The following TRIP11 variants were observed in gnomAD, a reference collection of about 807,000 sequenced individuals.
TRIP11 encodes thyroid hormone receptor interactor 11.
A neutral mutation model predicts 223.1 loss-of-function variants in TRIP11; 148 were observed. The observed-to-expected ratio is 0.66, with a 90% CI of 0.58 to 0.76. The LOEUF is 0.76. TRIP11 is among the 30% of genes least tolerant of loss of function. TRIP11 has a pLI of 0.00. For synonymous variants in TRIP11, 762 were observed against 772.6 expected (o/e 0.99, Z 0.23); for missense variants, 2,043 against 2,222.0 (o/e 0.92, Z 1.62).
intron 9 of TRIP11, among the ~76,000 whole-genome samples, chr14:92,010,290 G>T (rs1214375658): frequency 6.6e-6 from 1 of 151,992 alleles, no homozygotes; most frequent in Non-Finnish European, 1.5e-5. Context: ...CAACACTTTG[G>T]GAGGCCGAGG....
chr14:91,990,766 C>T (rs2056661621), intron 15 of TRIP11, among the ~76,000 whole-genome samples: 1 of 152,144 alleles, frequency 6.6e-6, no homozygotes, highest in Non-Finnish European at 1.5e-5. Context: ...TGTTTGAGCC[C>T]AGGAGTTTGA....
Position 91,975,191 on chromosome 14 carries a change from C to T in TRIP11, c.5438G>A (p.Arg1813Lys). Residue 1813 changes from arginine to lysine, a missense_variant, in exon 18 of 21, where the codon AGA (arginine) becomes AAA (lysine). By Grantham distance (26) the Arg-to-Lys change is conservative. Coordinates refer to ENST00000267622, the MANE Select transcript of TRIP11 (RefSeq NM_004239.4). ...AGTCACCTGCTCCATCTCCTCCCTT[C>T]TGACGCCCAGGATGCTCCCCATTAA... is the stretch of plus-strand genomic sequence containing the variant. The part of the protein sequence containing the change: ...LRLMGSILGV[R>K]REEMEQLFHD... 6.2e-7 allele frequency: 1 copy of T among 1,613,710 alleles called. No individual in the cohort carries two copies. Among genetic ancestry groups the T allele is most frequent in the South Asian group, 1.1e-5 (1 of 91,076 alleles).
chr14:92,022,929 T>C (rs1041047814), intron 3 of TRIP11, among the ~76,000 whole-genome samples: 1 of 152,178 alleles, frequency 6.6e-6, no homozygotes, highest in African/African-American at 2.4e-5. Context: ...TTGGAGAATA[T>C]GAACATCACA....
chr14:92,039,666 C>G lies in TRIP11; in HGVS notation c.20G>C (p.Gly7Ala). 1 of 1,612,472 alleles carries G rather than the reference C, an allele frequency of 6.2e-7. No individual in the cohort carries two copies. Among genetic ancestry groups the G allele is most frequent in the Non-Finnish European group, 8.5e-7 (1 of 1,179,360 alleles). MSSWLGGLGSGLGQSLG... is the reference protein window; with the variant it reads MSSWLGALGSGLGQSLG... ...AGACTGGCCCAATCCGGAGCCGAGG[C>G]CCCCAAGCCAGGACGACATCGCGGC... Residue 7 changes from glycine to alanine, a missense_variant, in exon 1 of 21, where the codon GGC (glycine) becomes GCC (alanine). By Grantham distance (60) the Gly-to-Ala change is moderately conservative (BLOSUM62 0). Transcript: ENST00000267622.
chr14:92,033,058 A>G, intron 2 of TRIP11, 134 bp downstream of exon 2: 1 of 694,158 alleles, frequency 1.4e-6, no homozygotes, highest in Non-Finnish European at 2.5e-6. Context: ...AAAGCTCAAA[A>G]AACAATCAAA....
chr14:92,021,608 T>C lies in TRIP11; in HGVS notation c.536A>G (p.Asn179Ser). The change falls in exon 4 of 21, where the codon AAT (asparagine) becomes AGT (serine). Residue 179 changes from asparagine (N) to serine (S), a missense_variant. Asn to Ser is a conservative substitution (Grantham distance 46, BLOSUM62 1). Coordinates refer to ENST00000267622, the MANE Select transcript of TRIP11 (RefSeq NM_004239.4). The part of the protein sequence containing the change: ...SSQQEINRLS[N>S]EVSRLESEVG... ...TTCAGACTCAAGTCTTGAAACTTCA[T>C]TTGAGAGTCGGTTTATTTCTTGTTG... is the stretch of plus-strand genomic sequence containing the variant. The C allele has an allele frequency of 6.2e-7, 1 of 1,614,186 alleles. No individual in the cohort carries two copies. The highest frequency in any genetic ancestry group is 8.5e-7 in the Non-Finnish European group (1 of 1,180,038).
At chr14:91,983,701 ACTT>A in intron 16 of TRIP11, among the ~76,000 whole-genome samples, 1 of 152,308 alleles carries the variant, frequency 6.6e-6, no homozygotes, top group East Asian at 1.9e-4. Flanking sequence ...TGCATCTGGT[ACTT>A]CTTATATGTT....
chr14:91,971,505 G>C (rs1002809404), intron 20 of TRIP11, among the ~76,000 whole-genome samples: 8 of 150,774 alleles, frequency 5.3e-5, no homozygotes, highest in African/African-American at 1.2e-4. Flanking sequence ...TACAAGAAAG[G>C]GGAAAGGTAG....
Position 92,004,640 on chromosome 14 carries a change from A to C in TRIP11, c.3336T>G (p.Asn1112Lys). 1 of 1,614,072 alleles carries C rather than the reference A, an allele frequency of 6.2e-7. No homozygotes were observed. The highest frequency in any genetic ancestry group is 1.1e-5 in the South Asian group (1 of 91,082). ...FAVLNEKTRE[N>K]SHLKTEYHKM... Reference sequence around the variant, plus strand: ...TGTGATATTCTGTTTTTAGATGGCTATTTTCCCTAGTCTTCTCATTCAAAA... The same window carrying C: ...TGTGATATTCTGTTTTTAGATGGCTCTTTTCCCTAGTCTTCTCATTCAAAA... The change falls in exon 11 of 21, where the codon AAT becomes AAG. Residue 1112 changes from asparagine to lysine, a missense_variant. Physicochemically the swap from Asn to Lys is moderately conservative, Grantham distance 94. Coordinates refer to ENST00000267622, the MANE Select transcript of TRIP11 (RefSeq NM_004239.4).
chr14:91,972,883 A>C (rs538137695), intron 19 of TRIP11, 22 bp from the exon 20 acceptor site: 2 of 1,585,890 alleles, frequency 1.3e-6, no homozygotes, highest in Non-Finnish European at 1.7e-6. Flanking sequence ...TATTTTGGTT[A>C]TATTAGGCTA....
At chr14:91,999,914 A>AAT in intron 12 of TRIP11, 54 bp downstream of exon 12, 2 of 1,604,146 alleles carry the variant, frequency 1.2e-6, no homozygotes, top group African/African-American at 1.3e-5. Flanking sequence ...CAGTTCTCTT[A>AAT]ATAGTTATTA....
Position 91,969,508 on chromosome 14 carries a change from C to A in TRIP11, c.*165G>T. 2 of 729,874 alleles carry A rather than the reference C, an allele frequency of 2.7e-6. No homozygotes were observed. The highest frequency in any genetic ancestry group is 1.6e-5 in the South Asian group (1 of 61,622). The allele number at this position is 729,874 out of a possible 1,614,324, so 45.2% of individuals were successfully genotyped here. ...TATAGCAAACACTTGCTCCTGACAC[C>A]TGCAGTTTCTAAAAGCATTAGGAAT... On this transcript the variant is annotated 3_prime_UTR_variant, in exon 21 of 21. Coordinates refer to ENST00000267622, the MANE Select transcript of TRIP11 (RefSeq NM_004239.4).
At position 92,020,759 on chromosome 14, in the gene TRIP11, C is replaced by T. The variant is rs1279696742; in HGVS notation, c.588+797G>A. Among the ~76,000 whole-genome samples the T allele has an allele frequency of 2.6e-5, 4 of 151,692 alleles. No homozygotes were observed. In the East Asian group the frequency reaches 7.7e-4, roughly 29 times the overall value. The stretch of plus-strand genomic sequence containing the variant: ...AGACTAGGAGAGAAAGATGACAGGA[C>T]CAAAATCACTTAGAAAGTCATTGGC... On this transcript the variant is annotated intron_variant, in intron 4 of 20. Coordinates refer to ENST00000267622, the MANE Select transcript of TRIP11 (RefSeq NM_004239.4).
At position 91,995,718 on chromosome 14, in the gene TRIP11, C is replaced by T. The variant is rs10134947; in HGVS notation, c.4893-203G>A. On this transcript the variant is annotated intron_variant, in intron 13 of 20. Coordinates refer to ENST00000267622, the MANE Select transcript of TRIP11 (RefSeq NM_004239.4). ...GCAACCTCCACCTCCTAGGTTCCAG[C>T]GATTCTCCTGCCTCAGCCTCCTGAG... 0.3 allele frequency among the ~76,000 whole-genome samples: 44,974 copies of T among 151,454 alleles called. 6,857 individuals are homozygous for T. Among genetic ancestry groups the T allele is most frequent in the Middle Eastern group, 0.35 (102 of 292 alleles).
intron 2 of TRIP11, among the ~76,000 whole-genome samples, chr14:92,032,151 C>CT (rs1266867675): frequency 2.4e-4 from 37 of 151,988 alleles, no homozygotes; most frequent in African/African-American, 8.4e-4. Context: ...TTCCTGTATC[C>CT]TTTTTTTCTT....
At chr14:92,033,978 T>C (rs1000502914) in intron 1 of TRIP11, among the ~76,000 whole-genome samples, 4 of 152,188 alleles carry the variant, frequency 2.6e-5, no homozygotes, top group Non-Finnish European at 4.4e-5. Flanking sequence ...GGGCCCACTG[T>C]ATGAGAGTGA....
At position 92,006,429 on chromosome 14, in the gene TRIP11, T is replaced by C. The variant is rs1018806781; in HGVS notation, c.1547A>G (p.Asp516Gly). 2.5e-6 allele frequency: 4 copies of C among 1,612,710 alleles called. No homozygotes were observed. The Admixed American group carries it at 5.0e-5, about 20-fold the overall frequency. ...TTCATTTTGTTGTTTTGATAGCTGATCTTTTATCAAAATCATGTGCTGAAA... is the reference window on the plus strand; with the variant it reads ...TTCATTTTGTTGTTTTGATAGCTGACCTTTTATCAAAATCATGTGCTGAAA... ...EATKHMILIK[D>G]QLSKQQNEGD... is the part of the protein sequence containing the mutation. Residue 516 changes from aspartate to glycine, a missense_variant, in exon 11 of 21, where the codon GAT (aspartate) becomes GGT (glycine). Physicochemically the swap from Asp to Gly is moderately conservative, Grantham distance 94 (BLOSUM62 -1). Coordinates refer to ENST00000267622, the MANE Select transcript of TRIP11 (RefSeq NM_004239.4).
Position 91,972,771 on chromosome 14 carries a change from G to C in TRIP11, c.5665C>G (p.Leu1889Val). 1 of 1,613,016 alleles carries C rather than the reference G, an allele frequency of 6.2e-7. No individual in the cohort carries two copies. Reference sequence around the variant, plus strand: ...CTTTTTCTTCTTCCTGGTGAATCCAGAGGTTTCATATCATGAACAGAAAGC... The same window carrying C: ...CTTTTTCTTCTTCCTGGTGAATCCACAGGTTTCATATCATGAACAGAAAGC... Reference protein sequence around the residue: ...PKLSVHDMKPLDSPGRRKRDT... With the variant: ...PKLSVHDMKPVDSPGRRKRDT... The change falls in exon 20 of 21, where the codon CTG (leucine) becomes GTG (valine). Residue 1889 changes from leucine to valine, a missense_variant. Leu to Val is a conservative substitution (Grantham distance 32). Transcript: ENST00000267622.
Position 92,003,176 on chromosome 14 carries a change from A to C in TRIP11, c.4557+243T>G, listed in dbSNP as rs28703006. Among the ~76,000 whole-genome samples, 5,437 of 152,254 alleles carry C rather than the reference A, an allele frequency of 0.036. 311 individuals carry two copies. The highest frequency in any genetic ancestry group is 0.11 in the African/African-American group (4,725 of 41,512). ...TGTTTCCTAAAGAAAAATATTAAGT[A>C]CTACTTAGCAATCTGTAAAAAATTA... On this transcript the variant is annotated intron_variant, in intron 11 of 20. Transcript: ENST00000267622.
Sources: gnomAD v4.1 joint callset for allele counts (sites outside exome capture counted in the v4.1 genomes callset) on GRCh38, gnomAD v4.1.1 for gene constraint, MANE v1.5 for transcripts, NCBI Gene and HGNC (gene_info 2026-07-23, HGNC 2026-07-21) for gene names.